NRXN3: variants seen among roughly 807,000 people sequenced by gnomAD.
The protein encoded by NRXN3 is neurexin III.
NRXN3 carries 32 observed loss-of-function variants against 137.6 expected under a neutral mutation model. That is an observed-to-expected ratio of 0.23 (90% CI 0.18 to 0.31). The LOEUF is 0.31. Among genes scored for constraint, NRXN3 ranks in the 10% least tolerant of loss-of-function variants. The pLI is 1.00. For missense variants in NRXN3, 1,574 were observed against 2,062.5 expected, an observed-to-expected ratio of 0.76 and a Z score of 4.59; for synonymous variants, 798 against 784.5, an observed-to-expected ratio of 1.02 and a Z score of -0.29.
intron 15 of NRXN3, among the ~76,000 whole-genome samples, chr14:79,225,680 G>C (rs1284740464): frequency 6.6e-6 from 1 of 152,146 alleles, no homozygotes; most frequent in Non-Finnish European, 1.5e-5. Context: ...AATAAAAGTT[G>C]AAATTATTTT....
chr14:79,418,995 G>C (rs573657231), intron 15 of NRXN3, among the ~76,000 whole-genome samples: 1 of 152,366 alleles, frequency 6.6e-6, no homozygotes, highest in South Asian at 2.1e-4. Context: ...ATTGTCTGCA[G>C]TAGGGCAGGC....
At position 79,363,029 on chromosome 14, in the gene NRXN3, G is replaced by A. The variant is rs193153800; in HGVS notation, c.3263-104192G>A. Reference sequence around the variant, plus strand: ...ATTTTTTTTTTTTTTTTTGAGTCTCGTTCTGTCACCCAGGCTGGAGTAGTG... The same window carrying A: ...ATTTTTTTTTTTTTTTTTGAGTCTCATTCTGTCACCCAGGCTGGAGTAGTG... On this transcript the variant is annotated intron_variant, in intron 15 of 20. Coordinates refer to ENST00000335750, the MANE Select transcript of NRXN3 (RefSeq NM_001330195.2). 4.0e-3 allele frequency among the ~76,000 whole-genome samples: 576 copies of A among 145,116 alleles called. 5 individuals are homozygous for A. Among genetic ancestry groups the A allele is most frequent in the African/African-American group, 0.013 (514 of 39,162 alleles).
In NRXN3 at chr14:79,007,944, A is replaced by T. The variant is rs532515376; in HGVS notation, c.3262+19803A>T. Among the ~76,000 whole-genome samples, 50 of 151,750 alleles carry T rather than the reference A, an allele frequency of 3.3e-4. 1 individual carries two copies. In the South Asian group the frequency reaches 0.01, roughly 31 times the overall value. On this transcript the variant is annotated intron_variant, in intron 15 of 20. Coordinates refer to ENST00000335750, the MANE Select transcript of NRXN3 (RefSeq NM_001330195.2). ...CTACTACTTACCTCTTAATCCTATG[A>T]TTTTCTGGTTCTGTGGCTTAGAAGG... is the stretch of plus-strand genomic sequence containing the variant.
At chr14:79,173,359 A>G (rs1049134478) in intron 15 of NRXN3, among the ~76,000 whole-genome samples, 6 of 151,732 alleles carry the variant, frequency 4.0e-5, no homozygotes, top group South Asian at 2.1e-4. Flanking sequence ...ATGAGACCCT[A>G]TCTTTACACA....
chr14:78,945,258 A>G (rs183523034), intron 10 of NRXN3, among the ~76,000 whole-genome samples: 3 of 152,294 alleles, frequency 2.0e-5, no homozygotes, highest in Admixed American at 2.0e-4. Context: ...GTCTCTGAGC[A>G]GTTTGATGAA....
intron 16 of NRXN3, among the ~76,000 whole-genome samples, chr14:79,597,485 C>T (rs937949591): frequency 2.0e-5 from 3 of 152,076 alleles, no homozygotes; most frequent in African/African-American, 4.8e-5. Flanking sequence ...TTTTAGTATG[C>T]GAGTAATCAC....
intron 16 of NRXN3, among the ~76,000 whole-genome samples, chr14:79,532,439 G>T (rs1024209075): frequency 6.6e-6 from 1 of 152,092 alleles, no homozygotes; most frequent in Non-Finnish European, 1.5e-5. Flanking sequence ...CTTCACAAAG[G>T]CTTCAAAAGC....
intron 20 of NRXN3, among the ~76,000 whole-genome samples, chr14:79,808,974 G>A (rs559766889): frequency 9.4e-4 from 143 of 152,124 alleles, no homozygotes; most frequent in Middle Eastern, 3.4e-3. Flanking sequence ...TTGGTCAATA[G>A]GAGTCTAGAA....
At chr14:79,113,808 C>T (rs954012442) in intron 15 of NRXN3, among the ~76,000 whole-genome samples, 2 of 152,156 alleles carry the variant, frequency 1.3e-5, no homozygotes, top group Non-Finnish European at 2.9e-5. Context: ...GCATCAGGAT[C>T]ACTGGTGAGT....
In NRXN3 at chr14:78,537,428, C is replaced by T. The variant is rs184387694; in HGVS notation, c.758-107692C>T. ...TGTCTTCTTTTGAGAAGTGTCTGTT[C>T]ATATCTTTGCCCACTTTTTGGTGGG... is the stretch of plus-strand genomic sequence containing the variant. On this transcript the variant is annotated intron_variant, in intron 4 of 20. Coordinates refer to ENST00000335750, the MANE Select transcript of NRXN3 (RefSeq NM_001330195.2). Among the ~76,000 whole-genome samples the T allele has an allele frequency of 5.2e-3, 799 of 152,260 alleles. 4 individuals are homozygous for T. The highest frequency in any genetic ancestry group is 7.6e-3 in the Non-Finnish European group (519 of 68,022).
At chr14:78,384,510 A>G (rs1006717586) in intron 4 of NRXN3, among the ~76,000 whole-genome samples, 6 of 152,272 alleles carry the variant, frequency 3.9e-5, no homozygotes, top group East Asian at 3.9e-4. Flanking sequence ...CACACCAGCA[A>G]TTTTCAACTT....
At chr14:78,454,323 C>T (rs2094628257) in intron 4 of NRXN3, among the ~76,000 whole-genome samples, 1 of 152,086 alleles carries the variant, frequency 6.6e-6, no homozygotes, top group South Asian at 2.1e-4. Flanking sequence ...TATGTCCAAG[C>T]CCCATTCCCA....
At chr14:79,717,666 A>G (rs1425015224) in intron 19 of NRXN3, among the ~76,000 whole-genome samples, 1 of 152,182 alleles carries the variant, frequency 6.6e-6, no homozygotes, top group African/African-American at 2.4e-5. Flanking sequence ...TCTTTAGAAG[A>G]ATATTTAGGA....
intron 19 of NRXN3, among the ~76,000 whole-genome samples, chr14:79,761,525 T>C (rs1436982611): frequency 6.6e-6 from 1 of 151,306 alleles, no homozygotes; most frequent in Non-Finnish European, 1.5e-5. Context: ...GAACCCAGTA[T>C]CTACTAAAAA....
intron 16 of NRXN3, among the ~76,000 whole-genome samples, chr14:79,654,928 T>C (rs987601878): frequency 6.6e-6 from 1 of 152,182 alleles, no homozygotes; most frequent in Non-Finnish European, 1.5e-5. Flanking sequence ...CTTTAAAGAA[T>C]CACTAAAAGT....
chr14:78,213,841 A>G (rs554342673), intron 1 of NRXN3, among the ~76,000 whole-genome samples: 17 of 152,144 alleles, frequency 1.1e-4, no homozygotes, highest in African/African-American at 3.6e-4. Flanking sequence ...AGCAAAACAT[A>G]TTTTTCCAGA....
intron 15 of NRXN3, among the ~76,000 whole-genome samples, chr14:79,205,422 G>A (rs2066649626): frequency 6.6e-6 from 1 of 152,178 alleles, no homozygotes; most frequent in Non-Finnish European, 1.5e-5. Context: ...ATCATAAGTA[G>A]AGCAATTTAG....
intron 15 of NRXN3, among the ~76,000 whole-genome samples, chr14:79,026,939 C>G (rs866041407): frequency 1.2e-5 from 1 of 80,962 alleles, no homozygotes; most frequent in Non-Finnish European, 2.7e-5. Flanking sequence ...ATATATATAA[C>G]TATTATAATT....
At chr14:79,337,121 C>T (rs2092317321) in intron 15 of NRXN3, among the ~76,000 whole-genome samples, 1 of 152,090 alleles carries the variant, frequency 6.6e-6, no homozygotes, top group Non-Finnish European at 1.5e-5. Flanking sequence ...TAACTGTTCC[C>T]TATAGTTAGC....
Sources: allele counts gnomAD v4.1 joint callset (sites outside exome capture counted in the v4.1 genomes callset), GRCh38; gene constraint gnomAD v4.1.1; transcripts MANE v1.5; gene names NCBI Gene and HGNC (gene_info 2026-07-23, HGNC 2026-07-21).